Variants in SH3RF2 observed in about 807,000 individuals in gnomAD.
SH3RF2 encodes the protein SH3 domain containing ring finger 2.
A neutral mutation model predicts 59.0 loss-of-function variants in SH3RF2; 43 were observed. The observed-to-expected ratio is 0.73, with a 90% CI of 0.57 to 0.94. The LOEUF (loss-of-function observed/expected upper bound fraction) is 0.94. Among genes scored for constraint, SH3RF2 ranks in the 40% least tolerant of loss-of-function variants. The probability of loss-of-function intolerance (pLI) is 0.00; values close to 1 mark genes in which losing one functional copy is unlikely to be tolerated. For missense variants in SH3RF2, 930 were observed against 940.1 expected, an observed-to-expected ratio of 0.99 and a Z score of 0.14; for synonymous variants, 391 against 391.5, an observed-to-expected ratio of 1.00 and a Z score of 0.01.
At chr5:146,056,351 A>C in intron 8 of SH3RF2, 138 bp downstream of exon 8, 1 of 1,349,016 alleles carries the variant, frequency 7.4e-7, no homozygotes, top group Non-Finnish European at 1.0e-6. Context: ...TACAATTCCC[A>C]AATGATGAGT....
At chr5:146,067,260 C>T (rs1166823520), downstream of SH3RF2, among the ~76,000 whole-genome samples, 1 of 152,190 alleles carries the variant, frequency 6.6e-6, no homozygotes, top group Non-Finnish European at 1.5e-5. Flanking sequence ...TCCGTCCACA[C>T]CAGGCCTGCC....
intron 5 of SH3RF2, among the ~76,000 whole-genome samples, chr5:146,016,969 C>T (rs186200588): frequency 2.6e-5 from 4 of 152,344 alleles, no homozygotes; most frequent in Admixed American, 2.6e-4. Context: ...GCCTCATTCT[C>T]CTCCTGTGGT....
At chr5:145,976,061 G>A (rs1400286576) in intron 2 of SH3RF2, among the ~76,000 whole-genome samples, 1 of 152,198 alleles carries the variant, frequency 6.6e-6, no homozygotes, top group Admixed American at 6.5e-5. Context: ...CTTTTGTAAC[G>A]AGGTGGGTTT....
At chr5:146,052,662 A>G (rs926023369) in intron 7 of SH3RF2, among the ~76,000 whole-genome samples, 1 of 152,078 alleles carries the variant, frequency 6.6e-6, no homozygotes, top group Non-Finnish European at 1.5e-5. Context: ...TCTCTAATGC[A>G]AAAAAAGGCT....
At chr5:145,970,320 T>C (rs1013767620) in intron 2 of SH3RF2, among the ~76,000 whole-genome samples, 1 of 152,138 alleles carries the variant, frequency 6.6e-6, no homozygotes, top group Non-Finnish European at 1.5e-5. Flanking sequence ...ATCATTCTTA[T>C]GTCTTTGCAT....
At chr5:146,023,296 C>T (rs1167817286) in intron 5 of SH3RF2, among the ~76,000 whole-genome samples, 2 of 152,074 alleles carry the variant, frequency 1.3e-5, no homozygotes, top group African/African-American at 4.8e-5. Flanking sequence ...GCGACCTCCG[C>T]CTCCCAGGTT....
intron 2 of SH3RF2, among the ~76,000 whole-genome samples, chr5:145,981,567 C>T (rs1232631802): frequency 1.3e-5 from 2 of 152,136 alleles, no homozygotes; most frequent in Non-Finnish European, 2.9e-5. Context: ...GGGTCATTTG[C>T]CTCGTAGTTT....
At chr5:146,075,150 ATGACCTG>A (rs1164155904) in intron 9 of SH3RF2, among the ~76,000 whole-genome samples, 2 of 152,336 alleles carry the variant, frequency 1.3e-5, no homozygotes, top group East Asian at 3.9e-4. Flanking sequence ...CCACTGTTTA[ATGACCTG>A]TTTCTACCTG....
intron 4 of SH3RF2, among the ~76,000 whole-genome samples, chr5:146,005,596 C>G (rs1190690411): frequency 5.3e-5 from 8 of 152,186 alleles, no homozygotes; most frequent in Admixed American, 5.2e-4. Flanking sequence ...GGCTGATCTT[C>G]TTATTGTCTC....
chr5:145,997,748 G>A, intron 2 of SH3RF2: 1 of 1,578,144 alleles, frequency 6.3e-7, no homozygotes, highest in Non-Finnish European at 8.7e-7. Flanking sequence ...TTAAATCATT[G>A]TGGACAAAAA....
chr5:145,945,584 G>C (rs907630748), intron 2 of SH3RF2, among the ~76,000 whole-genome samples: 1 of 152,146 alleles, frequency 6.6e-6, no homozygotes, highest in Non-Finnish European at 1.5e-5. Context: ...GTCAAGGGAA[G>C]AAAAGGCAGG....
exon 10 of SH3RF2, chr5:146,079,620 AG>A (rs768503094): frequency 1.3e-5 from 2 of 152,234 alleles, no homozygotes. Flanking sequence ...GACCATGAGC[AG>A]AGTAAGGATT....
chr5:146,021,220 A>T (rs1761305611), intron 5 of SH3RF2, among the ~76,000 whole-genome samples: 1 of 151,624 alleles, frequency 6.6e-6, no homozygotes, highest in African/African-American at 2.4e-5. Context: ...TAATATATAT[A>T]TTTTTTCCTT....
chr5:146,015,461 C>T (rs940204037), intron 5 of SH3RF2, among the ~76,000 whole-genome samples: 1 of 152,180 alleles, frequency 6.6e-6, no homozygotes, highest in African/African-American at 2.4e-5. Context: ...CACACACACA[C>T]ACACAAACAC....
At chr5:145,957,563 T>C (rs1057409267) in intron 2 of SH3RF2, among the ~76,000 whole-genome samples, 1 of 152,158 alleles carries the variant, frequency 6.6e-6, no homozygotes, top group Non-Finnish European at 1.5e-5. Flanking sequence ...TGGGTACTAT[T>C]ATCTCTATTC....
intron 2 of SH3RF2, among the ~76,000 whole-genome samples, chr5:145,977,648 G>A (rs1235149128): frequency 6.6e-6 from 1 of 152,178 alleles, no homozygotes; most frequent in Non-Finnish European, 1.5e-5. Context: ...CCATATGGCT[G>A]GTCCTATTAC....
At chr5:146,064,727 AAAGGAAGG>A (rs1218422103), downstream of SH3RF2, among the ~76,000 whole-genome samples, 13 of 13,204 alleles carry the variant, frequency 9.8e-4, no homozygotes, top group South Asian at 3.3e-3. Flanking sequence ...AGAAAGAAAG[AAAGGAAGG>A]AAGGAAGGAA....
At chr5:145,998,035 C>G in intron 2 of SH3RF2, 1 of 626,106 alleles carries the variant, frequency 1.6e-6, no homozygotes. Context: ...AGAGAGACTA[C>G]ATAGAAAACT....
At chr5:146,005,719 C>G (rs879061242) in intron 4 of SH3RF2, among the ~76,000 whole-genome samples, 8 of 152,166 alleles carry the variant, frequency 5.3e-5, no homozygotes, top group African/African-American at 7.2e-5. Context: ...TTTTATAAGG[C>G]TCAGATAGAA....
Sources: allele counts gnomAD v4.1 joint callset (sites outside exome capture counted in the v4.1 genomes callset), GRCh38; gene constraint gnomAD v4.1.1; transcripts MANE v1.5; gene names NCBI Gene and HGNC (gene_info 2026-07-23, HGNC 2026-07-21).